The following DCP1B variants were observed in gnomAD, a reference collection of about 807,000 sequenced individuals.
DCP1B encodes the protein mRNA-decapping enzyme 1B.
Under a neutral mutation model 60.5 loss-of-function variants are expected in DCP1B, and 47 were observed. That is an observed-to-expected ratio of 0.78 (90% CI 0.61 to 0.99). The LOEUF (loss-of-function observed/expected upper bound fraction) is 0.99. DCP1B is among the 50% of genes least tolerant of loss of function. The pLI is 0.00. For missense variants in DCP1B, 725 were observed against 756.8 expected, an observed-to-expected ratio of 0.96 and a Z score of 0.49; for synonymous variants, 267 against 280.3, an observed-to-expected ratio of 0.95 and a Z score of 0.47.
chr12:1,950,368 T>C (rs1233590702), intron 7 of DCP1B: 1 of 702,356 alleles, frequency 1.4e-6, no homozygotes, highest in Admixed American at 2.0e-5. Flanking sequence ...GCTCTTGATA[T>C]TTGTGAGTAC....
At chr12:1,979,033 G>A (rs541278193) in intron 3 of DCP1B, among the ~76,000 whole-genome samples, 10 of 152,164 alleles carry the variant, frequency 6.6e-5, no homozygotes, top group South Asian at 2.1e-4. Context: ...ATGTGCTTTC[G>A]GAGTCTCACT....
chr12:1,956,437 T>G (rs1010757539), intron 5 of DCP1B, among the ~76,000 whole-genome samples: 1 of 152,178 alleles, frequency 6.6e-6, no homozygotes, highest in Admixed American at 6.5e-5. Flanking sequence ...CACAATCTTG[T>G]CCCTCAGGAA....
At chr12:1,951,628 T>C (rs2030672630) in intron 7 of DCP1B, among the ~76,000 whole-genome samples, 1 of 152,198 alleles carries the variant, frequency 6.6e-6, no homozygotes, top group Non-Finnish European at 1.5e-5. Flanking sequence ...ATACTGACGA[T>C]ACAGAGAAAG....
chr12:1,997,850 T>C (rs1418738489), intron 2 of DCP1B, 85 bp downstream of exon 2: 2 of 1,079,286 alleles, frequency 1.9e-6, no homozygotes, highest in Non-Finnish European at 1.4e-6. Context: ...GAAATAAAAC[T>C]GCATGCACTT....
chr12:1,985,739 C>T (rs1328352779), intron 3 of DCP1B, among the ~76,000 whole-genome samples: 1 of 152,198 alleles, frequency 6.6e-6, no homozygotes, highest in Non-Finnish European at 1.5e-5. Context: ...AGAAAGCAAT[C>T]AATTCAGTTA....
chr12:1,945,357 G>A (rs1172756443), downstream of DCP1B, among the ~76,000 whole-genome samples: 2 of 152,300 alleles, frequency 1.3e-5, no homozygotes, highest in East Asian at 3.9e-4. Flanking sequence ...AACCATTGTG[G>A]AAGACAGTGT....
In DCP1B at chr12:1,955,457, T is replaced by C. The variant is rs772493311; in HGVS notation, c.626A>G (p.Gln209Arg). 4.6e-5 allele frequency: 74 copies of C among 1,613,712 alleles called. No homozygotes were observed. Among genetic ancestry groups the C allele is most frequent in the Non-Finnish European group, 5.9e-5 (70 of 1,179,784 alleles). ...PIPVKPSENQ[Q>R]QRIPQPNQTL... ...CTGGTTGGGCTGAGGTATACGCTGT[T>C]GCTGGTTTTCACTGGGTTTCACTGG... Residue 209 changes from glutamine (Q) to arginine (R), a missense_variant, in exon 6 of 9, where the codon CAA becomes CGA. Physicochemically the swap from Gln to Arg is conservative, Grantham distance 43. Coordinates refer to ENST00000280665, the MANE Select transcript of DCP1B (RefSeq NM_152640.5).
At chr12:2,000,862 C>A (rs887501660) in intron 1 of DCP1B, among the ~76,000 whole-genome samples, 3 of 152,084 alleles carry the variant, frequency 2.0e-5, no homozygotes, top group African/African-American at 7.2e-5. Flanking sequence ...CATGGTGAAA[C>A]CCCGTCTCTA....
intron 3 of DCP1B, chr12:1,990,981 G>C: frequency 2.8e-6 from 1 of 360,134 alleles, no homozygotes; most frequent in Non-Finnish European, 5.2e-6. Context: ...CAGATAGAAA[G>C]GACAAAAAAA....
intron 2 of DCP1B, among the ~76,000 whole-genome samples, chr12:1,997,441 A>G (rs1193688444): frequency 6.6e-6 from 1 of 152,144 alleles, no homozygotes; most frequent in African/African-American, 2.4e-5. Context: ...AATCACTTGA[A>G]CTCAGGAGGC....
At chr12:1,990,040 C>T (rs2038954551) in intron 3 of DCP1B, among the ~76,000 whole-genome samples, 1 of 152,156 alleles carries the variant, frequency 6.6e-6, no homozygotes, top group Non-Finnish European at 1.5e-5. Context: ...GGCTCAAATG[C>T]ATTATTTACT....
intron 8 of DCP1B, 57 bp from the exon 9 acceptor site, chr12:1,946,343 G>A (rs528916312): frequency 2.8e-6 from 4 of 1,412,732 alleles, no homozygotes; most frequent in East Asian, 4.8e-5. Context: ...GACACAAAAG[G>A]CTTCCTCTGT....
At chr12:1,966,216 T>G (rs1452243004) in intron 4 of DCP1B, 1 of 152,218 alleles carries the variant, frequency 6.6e-6, no homozygotes, top group Non-Finnish European at 1.5e-5. Context: ...CAGACTGCCT[T>G]GAAGTCAAGG....
At chr12:1,965,718 A>C (rs1226489267) in intron 4 of DCP1B, 25 bp from the exon 5 acceptor site, 1 of 1,590,526 alleles carries the variant, frequency 6.3e-7, no homozygotes. Context: ...GGGAAAATCC[A>C]CACAAGAAAA....
chr12:1,945,094 AC>A (rs761749900), downstream of DCP1B, among the ~76,000 whole-genome samples: 46 of 152,352 alleles, frequency 3.0e-4, no homozygotes, highest in Admixed American at 1.3e-3. Flanking sequence ...CAAGAAAAAA[AC>A]AATCCCATCA....
chr12:1,987,504 C>A (rs1468457799), intron 3 of DCP1B, among the ~76,000 whole-genome samples: 1 of 151,984 alleles, frequency 6.6e-6, no homozygotes, highest in Non-Finnish European at 1.5e-5. Flanking sequence ...AAATAGAACC[C>A]TTCTCTAGTC....
intron 7 of DCP1B, chr12:1,950,356 C>T (rs771049575): frequency 3.4e-5 from 24 of 702,230 alleles, no homozygotes; most frequent in South Asian, 1.0e-4. Context: ...CTTTCTCACT[C>T]GGCTCTTGAT....
chr12:1,969,457 G>C (rs2031685073), intron 3 of DCP1B, among the ~76,000 whole-genome samples: 1 of 151,918 alleles, frequency 6.6e-6, no homozygotes, highest in African/African-American at 2.4e-5. Context: ...GGGGGAAGTA[G>C]GGGAAAAAAT....
intron 3 of DCP1B, among the ~76,000 whole-genome samples, chr12:1,983,163 C>G (rs2036641331): frequency 6.6e-6 from 1 of 151,160 alleles, no homozygotes; most frequent in African/African-American, 2.4e-5. Flanking sequence ...CAGGTGTTTA[C>G]CAGTTTTACT....
Sources: allele counts gnomAD v4.1 joint callset (sites outside exome capture counted in the v4.1 genomes callset), GRCh38; gene constraint gnomAD v4.1.1; transcripts MANE v1.5; gene names NCBI Gene and HGNC (gene_info 2026-07-23, HGNC 2026-07-21).